ASB2: variants seen among roughly 807,000 people sequenced by gnomAD.
ASB2 encodes ankyrin repeat and SOCS box containing 2.
In ASB2, 58 loss-of-function variants were observed where a neutral mutation model predicts 62.4. The observed-to-expected ratio is 0.93, with a 90% CI of 0.75 to 1.16. The LOEUF is 1.16. Ranked by LOEUF, ASB2 falls within the 50% of genes most tolerant of loss-of-function variation. ASB2 has a pLI of 0.00. For missense variants in ASB2, 928 were observed against 887.9 expected, an observed-to-expected ratio of 1.05 and a Z score of -0.57; for synonymous variants, 386 against 385.3, an observed-to-expected ratio of 1.00 and a Z score of -0.02.
intron 1 of ASB2, among the ~76,000 whole-genome samples, 184 bp from the exon 2 acceptor site, chr14:93,964,796 C>T (rs1046517539): frequency 6.6e-6 from 1 of 151,624 alleles, no homozygotes; most frequent in Non-Finnish European, 1.5e-5. Context: ...CTCATCTATT[C>T]ATTTACCCAC....
intron 7 of ASB2, chr14:93,942,155 G>A (rs1038263297): frequency 6.6e-6 from 3 of 455,378 alleles, no homozygotes; most frequent in African/African-American, 2.0e-5. Flanking sequence ...GAGGACAAGG[G>A]GGTGACCCCA....
chr14:93,953,964 G>T (rs567309669), intron 4 of ASB2, among the ~76,000 whole-genome samples: 33 of 152,298 alleles, frequency 2.2e-4, no homozygotes, highest in Non-Finnish European at 3.8e-4. Context: ...CACAGCAGGT[G>T]GGGGATAGCC....
chr14:93,953,487 G>A lies in ASB2; in HGVS notation c.499C>T (p.Gln167Ter). The change falls in exon 5 of 10, where the codon CAG becomes TAG. Residue 167 changes from glutamine to a stop codon, truncating the protein, a stop_gained. Coordinates refer to ENST00000555019, the MANE Select transcript of ASB2 (RefSeq NM_001202429.2). LOFTEE classifies it high-confidence loss of function. ...LQRAYPGTID[Q>*]RTLQEETAVY... ...GCTGTTTCCTCCTGCAGGGTGCGCT[G>A]GTCGATGGTCCCTGGGTACGCTAGG... is the stretch of plus-strand genomic sequence containing the variant. 1.3e-6 allele frequency: 2 copies of A among 1,597,250 alleles called. No homozygotes were observed. The highest frequency in any genetic ancestry group is 1.7e-6 in the Non-Finnish European group (2 of 1,167,116).
intron 2 of ASB2, 111 bp downstream of exon 2, chr14:93,964,223 A>G: frequency 1.0e-6 from 1 of 1,004,020 alleles, no homozygotes; most frequent in Non-Finnish European, 1.5e-6. Context: ...AAGGTGTGAA[A>G]AGCAACCTAG....
At chr14:93,934,864 C>T in intron 9 of ASB2, 72 bp from the exon 10 acceptor site, 1 of 1,339,110 alleles carries the variant, frequency 7.5e-7, no homozygotes, top group South Asian at 1.2e-5. Flanking sequence ...TCTGTGACCC[C>T]AGCCTATGGG....
Position 93,939,524 on chromosome 14 carries a change from G to A in ASB2, c.1201C>T (p.Pro401Ser), listed in dbSNP as rs1888426211. Residue 401 changes from proline to serine, a missense_variant, in exon 8 of 10, where the codon CCC (proline) becomes TCC (serine). By Grantham distance (74) the Pro-to-Ser change is moderately conservative (BLOSUM62 -1). Coordinates refer to ENST00000555019, the MANE Select transcript of ASB2 (RefSeq NM_001202429.2). ...TCTTCGTAGAGGCGCGCGCGCTCGG[G>A]GGCCAGCGGCGTGTTCACGTCGAAG... ...ARFDVNTPLA[P>S]ERARLYEDRR... 1.2e-6 allele frequency: 2 copies of A among 1,605,574 alleles called. No individual in the cohort carries two copies. The highest frequency in any genetic ancestry group is 2.7e-5 in the African/African-American group (2 of 74,478).
Position 93,934,354 on chromosome 14 carries a change from A to G in ASB2, c.*302T>C. On this transcript the variant is annotated 3_prime_UTR_variant, in exon 10 of 10. Coordinates refer to ENST00000555019, the MANE Select transcript of ASB2 (RefSeq NM_001202429.2). ...CTCTGAGCACCACCTTCCCCAGAAC[A>G]CCTCAAGCTCTGCCCTGGCCCCAGG... is the stretch of plus-strand genomic sequence containing the variant. The G allele has an allele frequency of 2.3e-6, 1 of 433,294 alleles. No individual in the cohort carries two copies. The highest frequency in any genetic ancestry group is 4.3e-6 in the Non-Finnish European group (1 of 230,764). 26.8% of individuals were successfully genotyped at this position (433,294 alleles called of 1,614,324 possible). A position where few individuals can be genotyped will look rare whatever the true frequency, so the allele number is the denominator to read the frequency against.
At chr14:93,962,085 G>T (rs1889425194) in intron 2 of ASB2, among the ~76,000 whole-genome samples, 1 of 151,266 alleles carries the variant, frequency 6.6e-6, no homozygotes, top group South Asian at 2.1e-4. Context: ...CATTTGGGGG[G>T]AGAAGAATTT....
rs148111739 is a variant in ASB2 at position 93,943,577 on chromosome 14, G to A, written c.1052+3772C>T. Among the ~76,000 whole-genome samples, 132 of 152,366 alleles carry A rather than the reference G, an allele frequency of 8.7e-4. 1 individual carries two copies. The highest frequency in any genetic ancestry group is 2.8e-3 in the African/African-American group (118 of 41,582). On this transcript the variant is annotated intron_variant, in intron 7 of 9. Coordinates refer to ENST00000555019, the MANE Select transcript of ASB2 (RefSeq NM_001202429.2). ...GAGAATCACTTGAACCCAGGAGGCAGAGGTTGCAGCGAGCCAAGATTGTGC... is the reference window on the plus strand; with the variant it reads ...GAGAATCACTTGAACCCAGGAGGCAAAGGTTGCAGCGAGCCAAGATTGTGC...
chr14:93,961,052 G>T (rs1387916914), intron 2 of ASB2, among the ~76,000 whole-genome samples: 1 of 152,182 alleles, frequency 6.6e-6, no homozygotes, highest in Admixed American at 6.5e-5. Flanking sequence ...TCTCAGGAGG[G>T]TGTCCCAGGA....
At chr14:93,944,291 G>A (rs563747482) in intron 7 of ASB2, among the ~76,000 whole-genome samples, 3 of 152,250 alleles carry the variant, frequency 2.0e-5, no homozygotes, top group South Asian at 2.1e-4. Flanking sequence ...GATTTCATAC[G>A]GTGGCTTTGC....
At chr14:93,943,544 T>G (rs1490683416) in intron 7 of ASB2, among the ~76,000 whole-genome samples, 1 of 152,186 alleles carries the variant, frequency 6.6e-6, no homozygotes, top group African/African-American at 2.4e-5. Flanking sequence ...CTTGGGAGGC[T>G]GAGGAAGGAG....
chr14:93,958,315 C>T (rs2141304396), intron 2 of ASB2, among the ~76,000 whole-genome samples: 1 of 152,318 alleles, frequency 6.6e-6, no homozygotes, highest in Middle Eastern at 3.4e-3. Flanking sequence ...GACAGGGAGG[C>T]TGTGAGAGGG....
At chr14:93,961,777 G>A (rs145874029) in intron 2 of ASB2, among the ~76,000 whole-genome samples, 21 of 152,356 alleles carry the variant, frequency 1.4e-4, no homozygotes, top group South Asian at 2.1e-4. Flanking sequence ...GCACAAGTGC[G>A]TGTGTGCCGT....
intron 8 of ASB2, 61 bp downstream of exon 8, chr14:93,939,047 G>T (rs1007768111): frequency 1.3e-5 from 18 of 1,360,144 alleles, no homozygotes; most frequent in Non-Finnish European, 1.5e-5. Context: ...TCCCATGCGC[G>T]CGCGCGTCCC....
At chr14:93,957,505 T>G in intron 2 of ASB2, 2 of 520,158 alleles carry the variant, frequency 3.8e-6, no homozygotes, top group Non-Finnish European at 4.9e-6. Context: ...ATCTGGGCTC[T>G]GGCACTCCTT....
chr14:93,975,000 C>T (rs890431687), intron 1 of ASB2, among the ~76,000 whole-genome samples: 2 of 152,250 alleles, frequency 1.3e-5, no homozygotes, highest in African/African-American at 4.8e-5. Flanking sequence ...GAGCTGCTGC[C>T]AGCTTCTTGG....
At chr14:93,969,270 G>A (rs898672784) in intron 1 of ASB2, among the ~76,000 whole-genome samples, 4 of 152,144 alleles carry the variant, frequency 2.6e-5, no homozygotes, top group Non-Finnish European at 4.4e-5. Context: ...ATGCTATGGC[G>A]GCGTCTCCTG....
intron 1 of ASB2, among the ~76,000 whole-genome samples, chr14:93,966,727 A>G (rs10138907): frequency 0.66 from 100,339 of 152,030 alleles, 35,017 homozygotes; most frequent in East Asian, 0.98. Flanking sequence ...CATCTTAACG[A>G]ATGTCTCTCA....
Sources: gnomAD v4.1 joint callset for allele counts (sites outside exome capture counted in the v4.1 genomes callset) on GRCh38, gnomAD v4.1.1 for gene constraint, MANE v1.5 for transcripts, NCBI Gene and HGNC (gene_info 2026-07-23, HGNC 2026-07-21) for gene names.